The following ATAD2 variants were observed in gnomAD, a reference collection of about 807,000 sequenced individuals.
ATAD2 encodes ATPase family AAA domain-containing protein 2.
ATAD2 carries 62 observed loss-of-function variants against 168.9 expected under a neutral mutation model. The observed-to-expected ratio is 0.37, with a 90% confidence interval of 0.30 to 0.45. The LOEUF (loss-of-function observed/expected upper bound fraction) is 0.45, where lower values mean the gene tolerates loss of function less well. Among genes scored for constraint, ATAD2 ranks in the 20% least tolerant of loss-of-function variants. ATAD2 has a pLI of 1.00. For synonymous variants in ATAD2, 613 were observed against 571.6 expected (o/e 1.07, Z -1.03); for missense variants, 1,419 against 1,667.8 (o/e 0.85, Z 2.60).
In ATAD2 at chr8:123,367,416, TAAAC is replaced by T. The variant is rs1176079273; in HGVS notation, c.1049+1638_1049+1641del. ...TGGGCGAGAGAGTGAGATTTCCTCT[TAAAC>T]AAAACAAAACGGGAGAAGAAATAAG... On this transcript the variant is annotated intron_variant, in intron 8 of 27. Coordinates refer to ENST00000287394, the MANE Select transcript of ATAD2 (RefSeq NM_014109.4). Among the ~76,000 whole-genome samples the T allele has an allele frequency of 2.0e-5, 3 of 152,134 alleles. No homozygotes were observed. The East Asian group carries it at 5.8e-4, about 29-fold the overall frequency.
upstream of ATAD2, among the ~76,000 whole-genome samples, chr8:123,397,087 T>C (rs1044294051): frequency 6.6e-6 from 1 of 151,900 alleles, no homozygotes; most frequent in African/African-American, 2.4e-5. Flanking sequence ...TCATCCCACA[T>C]AGAAGATCTC....
intron 1 of ATAD2, among the ~76,000 whole-genome samples, chr8:123,405,797 C>T (rs1055686772): frequency 3.9e-5 from 6 of 152,118 alleles, no homozygotes; most frequent in Admixed American, 2.6e-4. Flanking sequence ...TTAAGTAGAC[C>T]TTTCTTGCTG....
chr8:123,367,431 G>A (rs1000508014), intron 8 of ATAD2, among the ~76,000 whole-genome samples: 4 of 151,994 alleles, frequency 2.6e-5, no homozygotes, highest in Non-Finnish European at 5.9e-5. Context: ...AAAACAAAAC[G>A]GGAGAAGAAA....
intron 1 of ATAD2, among the ~76,000 whole-genome samples, chr8:123,381,504 A>T (rs1563861016): frequency 6.6e-6 from 1 of 151,096 alleles, no homozygotes; most frequent in South Asian, 2.1e-4. Context: ...CTGCCACAAA[A>T]CAAAACAAAA....
chr8:123,345,425 G>C (rs1828205027), intron 18 of ATAD2, among the ~76,000 whole-genome samples: 1 of 151,384 alleles, frequency 6.6e-6, no homozygotes, highest in Non-Finnish European at 1.5e-5. Flanking sequence ...ACTTTGGGAG[G>C]CCAAGGCGGG....
intron 24 of ATAD2, among the ~76,000 whole-genome samples, chr8:123,331,751 A>G (rs991393536): frequency 1.6e-4 from 25 of 152,158 alleles, no homozygotes; most frequent in African/African-American, 5.6e-4. Flanking sequence ...GATTTTTTGT[A>G]CTATACTAAA....
intron 24 of ATAD2, among the ~76,000 whole-genome samples, chr8:123,328,835 CTG>C (rs1461679355): frequency 1.6e-5 from 2 of 128,546 alleles, no homozygotes; most frequent in African/African-American, 2.9e-5. Context: ...GAGTCTCACT[CTG>C]TTGCCCAGGC....
At chr8:123,337,562 A>G in intron 21 of ATAD2, 63 bp downstream of exon 21, 1 of 1,434,302 alleles carries the variant, frequency 7.0e-7, no homozygotes, top group South Asian at 1.4e-5. Flanking sequence ...AACTCTTCAA[A>G]TATCCTTTGA....
chr8:123,401,069 T>A, upstream of ATAD2: 3 of 1,573,690 alleles, frequency 1.9e-6, no homozygotes, highest in Non-Finnish European at 2.6e-6. Context: ...GACATCGACT[T>A]TCTTGCTGAG....
intron 1 of ATAD2, among the ~76,000 whole-genome samples, chr8:123,385,995 T>C (rs1829637234): frequency 6.7e-6 from 1 of 148,902 alleles, no homozygotes; most frequent in Admixed American, 6.7e-5. Context: ...AGATAACACT[T>C]CACACACATT....
At chr8:123,366,832 T>G (rs1004389822) in intron 8 of ATAD2, among the ~76,000 whole-genome samples, 1 of 151,612 alleles carries the variant, frequency 6.6e-6, no homozygotes, top group African/African-American at 2.4e-5. Flanking sequence ...AAATCACTAC[T>G]GAAGAACTTA....
At chr8:123,342,755 G>C (rs1336572897) in intron 19 of ATAD2, among the ~76,000 whole-genome samples, 1 of 151,982 alleles carries the variant, frequency 6.6e-6, no homozygotes, top group African/African-American at 2.4e-5. Flanking sequence ...AGAGTCACTG[G>C]GGACATAATC....
At chr8:123,407,322 A>G (rs1296392853) in intron 1 of ATAD2, among the ~76,000 whole-genome samples, 1 of 152,254 alleles carries the variant, frequency 6.6e-6, no homozygotes, top group Non-Finnish European at 1.5e-5. Flanking sequence ...TGGGAAATGT[A>G]TATAGTACAG....
intron 27 of ATAD2, among the ~76,000 whole-genome samples, 156 bp downstream of exon 27, chr8:123,322,782 G>A (rs1827506152): frequency 6.6e-6 from 1 of 152,158 alleles, no homozygotes; most frequent in Admixed American, 6.5e-5. Context: ...TGATCTTTAT[G>A]GAATGGGACA....
chr8:123,408,980 AC>A (rs1813110409), intron 1 of ATAD2, among the ~76,000 whole-genome samples: 1 of 151,452 alleles, frequency 6.6e-6, no homozygotes, highest in Non-Finnish European at 1.5e-5. Flanking sequence ...GGCGCGTGCC[AC>A]CACGCCTAGC....
chr8:123,333,790 C>G (rs143028615), intron 24 of ATAD2, 88 bp downstream of exon 24: 602 of 1,375,578 alleles, frequency 4.4e-4, no homozygotes, highest in Middle Eastern at 1.3e-3. Flanking sequence ...TGCATTAACA[C>G]AAATAAAGGA....
chr8:123,344,937 G>A lies in ATAD2; in HGVS notation c.2665C>T (p.Pro889Ser), dbSNP rs1263282693. The A allele has an allele frequency of 4.3e-6, 7 of 1,613,998 alleles. No homozygotes were observed. Among genetic ancestry groups the A allele is most frequent in the Non-Finnish European group, 5.9e-6 (7 of 1,180,008 alleles). ...TCAGAAGTTGCAAGTAGTAAAACTG[G>A]AGCAAATGAAGGAATATTCTGTAAT... ...TLLQNIPSFA[P>S]VLLLATSDKP... Residue 889 changes from proline to serine, a missense_variant, in exon 19 of 28, where the codon CCA becomes TCA. Pro to Ser is a moderately conservative substitution (Grantham distance 74). Around this residue, in one of 5 missense-constraint regions of ATAD2, gnomAD observed 545 missense variants for 724.9 expected, o/e 0.75. Transcript: ENST00000287394.
At chr8:123,353,475 G>T (rs1828538708) in intron 13 of ATAD2, among the ~76,000 whole-genome samples, 1 of 152,100 alleles carries the variant, frequency 6.6e-6, no homozygotes, top group South Asian at 2.1e-4. Flanking sequence ...ATCTACTGTA[G>T]TCACTATTTT....
chr8:123,353,607 C>T (rs1428313046), intron 13 of ATAD2, among the ~76,000 whole-genome samples: 1 of 151,702 alleles, frequency 6.6e-6, no homozygotes, highest in Non-Finnish European at 1.5e-5. Flanking sequence ...CAAAGTATTC[C>T]AGGCTTGTCT....
Sources: gnomAD v4.1 joint callset for allele counts (sites outside exome capture counted in the v4.1 genomes callset) on GRCh38, gnomAD v4.1.1 for gene constraint, gnomAD v4.1.1 regional missense constraint, MANE v1.5 for transcripts, NCBI Gene and HGNC (gene_info 2026-07-23, HGNC 2026-07-21) for gene names.